Variants in AFG2A observed in about 807,000 individuals in gnomAD.
The protein encoded by AFG2A is ATPase family gene 2 protein homolog A.
the AFG2A span, among the ~76,000 whole-genome samples, chr4:123,071,944 A>T: frequency 6.6e-6 from 1 of 152,220 alleles, no homozygotes; most frequent in African/African-American, 2.4e-5. Context: ...CAACTGTAAT[A>T]AATAAGGAAC....
At chr4:123,239,348 C>A in the AFG2A span, among the ~76,000 whole-genome samples, 9 of 152,116 alleles carry the variant, frequency 5.9e-5, no homozygotes, top group South Asian at 6.2e-4. Context: ...AAAGATACTC[C>A]TCAAGAAGAG....
At chr4:122,992,961 T>TGC in the AFG2A span, among the ~76,000 whole-genome samples, 1 of 96,338 alleles carries the variant, frequency 1.0e-5, no homozygotes, top group Admixed American at 1.2e-4. Context: ...AAGATTTGTG[T>TGC]GTGTGTGTGT....
chr4:123,246,613 G>GAAT, the AFG2A span, among the ~76,000 whole-genome samples: 4 of 151,992 alleles, frequency 2.6e-5, no homozygotes, highest in Non-Finnish European at 5.9e-5. Flanking sequence ...GTCACACATG[G>GAAT]AATAATAACC....
chr4:123,143,350 A>G, the AFG2A span, among the ~76,000 whole-genome samples: 19 of 152,068 alleles, frequency 1.2e-4, no homozygotes, highest in Admixed American at 5.2e-4. Context: ...TCGCTATTAC[A>G]TTAACTATAA....
the AFG2A span, among the ~76,000 whole-genome samples, chr4:123,074,157 G>A: frequency 1.6e-4 from 22 of 135,902 alleles, no homozygotes; most frequent in African/African-American, 5.3e-4. Context: ...GCAGTGGCGC[G>A]AACTTGGCTC....
chr4:123,010,707 T>G, the AFG2A span, among the ~76,000 whole-genome samples: 1 of 152,202 alleles, frequency 6.6e-6, no homozygotes, highest in African/African-American at 2.4e-5. Context: ...CCTAAGACAG[T>G]CAGTTTTTGC....
chr4:123,021,226 A>AT, the AFG2A span, among the ~76,000 whole-genome samples: 1 of 151,286 alleles, frequency 6.6e-6, no homozygotes, highest in Non-Finnish European at 1.5e-5. Context: ...TTAAAAAAAA[A>AT]TTTTAATGAT....
the AFG2A span, among the ~76,000 whole-genome samples, chr4:122,951,331 A>G: frequency 5.3e-4 from 80 of 152,160 alleles, no homozygotes; most frequent in African/African-American, 1.9e-3. Context: ...CATTTTATAT[A>G]AGAGGCTTGA....
chr4:122,976,630 G>T, the AFG2A span, among the ~76,000 whole-genome samples: 1 of 152,056 alleles, frequency 6.6e-6, no homozygotes, highest in Non-Finnish European at 1.5e-5. Context: ...TCCCCTTTTA[G>T]ATCTCTCCCT....
At chr4:122,938,280 A>C in the AFG2A span, 1 of 1,508,220 alleles carries the variant, frequency 6.6e-7, no homozygotes, top group Non-Finnish European at 8.9e-7. Context: ...GATTCTGTGT[A>C]GGGTTAATTC....
chr4:123,008,168 T>C, the AFG2A span, among the ~76,000 whole-genome samples: 1 of 152,178 alleles, frequency 6.6e-6, no homozygotes, highest in African/African-American at 2.4e-5. Flanking sequence ...CTGAGGCCTA[T>C]AGTAAGCTTT....
the AFG2A span, among the ~76,000 whole-genome samples, chr4:123,201,537 A>G: frequency 6.6e-6 from 1 of 152,162 alleles, no homozygotes; most frequent in Non-Finnish European, 1.5e-5. Context: ...CTGAGCAAAA[A>G]TGGGGTGTTT....
the AFG2A span, among the ~76,000 whole-genome samples, chr4:123,162,883 T>C: frequency 2.0e-5 from 3 of 152,214 alleles, no homozygotes; most frequent in Non-Finnish European, 4.4e-5. Flanking sequence ...TCTAGGGTTA[T>C]TATACAGATT....
the AFG2A span, among the ~76,000 whole-genome samples, chr4:123,267,984 C>T: frequency 1.3e-5 from 2 of 152,048 alleles, no homozygotes; most frequent in Non-Finnish European, 2.9e-5. Flanking sequence ...ATAAGCTAAT[C>T]ACCCATGAAG....
At chr4:123,221,197 C>T in the AFG2A span, among the ~76,000 whole-genome samples, 1 of 152,156 alleles carries the variant, frequency 6.6e-6, no homozygotes, top group African/African-American at 2.4e-5. Context: ...ACTCTGTCAC[C>T]CAGGCTGGGG....
chr4:123,111,019 A>T, the AFG2A span, among the ~76,000 whole-genome samples: 1 of 152,232 alleles, frequency 6.6e-6, no homozygotes, highest in East Asian at 1.9e-4. Flanking sequence ...TTAAAATTTA[A>T]ATTTTCATAA....
the AFG2A span, among the ~76,000 whole-genome samples, chr4:123,041,276 A>ATTTTT: frequency 1.5e-3 from 40 of 27,318 alleles, no homozygotes; most frequent in African/African-American, 2.7e-3. Context: ...ACGCCCAGCT[A>ATTTTT]ATTTTTTTTT....
the AFG2A span, among the ~76,000 whole-genome samples, chr4:123,109,809 G>C: frequency 6.6e-6 from 1 of 152,042 alleles, no homozygotes; most frequent in Non-Finnish European, 1.5e-5. Context: ...GATTTTTGTC[G>C]TATTTACTGG....
chr4:122,987,445 T>C, the AFG2A span, among the ~76,000 whole-genome samples: 2 of 152,130 alleles, frequency 1.3e-5, no homozygotes, highest in African/African-American at 4.8e-5. Context: ...AGGTAAGGGC[T>C]TACTAGAGCT....
Sources: allele counts gnomAD v4.1 joint callset (sites outside exome capture counted in the v4.1 genomes callset), GRCh38; gene constraint gnomAD v4.1.1; transcripts MANE v1.5; gene names NCBI Gene and HGNC (gene_info 2026-07-23, HGNC 2026-07-21).